The following VPS13A variants were observed in gnomAD, a reference collection of about 807,000 sequenced individuals.
The protein encoded by VPS13A is vacuolar protein sorting 13 homolog A, also known as intermembrane lipid transfer protein VPS13A.
VPS13A carries 264 observed loss-of-function variants against 390.9 expected under a neutral mutation model. The ratio of observed to expected loss-of-function variants is 0.68; its 90% CI spans 0.61 to 0.75. VPS13A has a LOEUF of 0.75. Among genes scored for constraint, VPS13A ranks in the 30% least tolerant of loss-of-function variants. The pLI, the probability that VPS13A is intolerant of heterozygous loss-of-function variation, is 0.00. For synonymous variants in VPS13A, 1,231 were observed against 1,227.1 expected (o/e 1.00, Z -0.07); for missense variants, 3,409 against 3,733.9 (o/e 0.91, Z 2.27).
intron 68 of VPS13A, among the ~76,000 whole-genome samples, chr9:77,392,958 C>G (rs1833960254): frequency 6.6e-6 from 1 of 151,924 alleles, no homozygotes; most frequent in African/African-American, 2.4e-5. Context: ...ATGAAGTTTC[C>G]CACATTGATT....
chr9:77,220,371 A>G lies in VPS13A; in HGVS notation c.977A>G (p.His326Arg). 1.2e-6 allele frequency: 2 copies of G among 1,606,718 alleles called. No homozygotes were observed. The highest frequency in any genetic ancestry group is 1.7e-6 in the Non-Finnish European group (2 of 1,175,896). Reference protein sequence around the residue: ...KFKPDVPLHHHAREWWAYAIH... With the variant: ...KFKPDVPLHHRAREWWAYAIH... ...AAACCTGATGTGCCTCTTCACCACC[A>G]TGCCAGAGAATGGTAAATGCCTTGA... is the stretch of plus-strand genomic sequence containing the variant. The change falls in exon 12 of 72, where the codon CAT becomes CGT. Residue 326 changes from histidine (H) to arginine (R), a missense_variant. His to Arg is a conservative substitution (Grantham distance 29, BLOSUM62 0). Coordinates refer to ENST00000360280, the MANE Select transcript of VPS13A (RefSeq NM_033305.3).
intron 51 of VPS13A, 60 bp from the exon 52 acceptor site, chr9:77,344,949 A>G: frequency 1.3e-6 from 2 of 1,552,258 alleles, no homozygotes; most frequent in Non-Finnish European, 1.8e-6. Flanking sequence ...CTTAAATGTT[A>G]TTAGTTAATA....
Position 77,400,223 on chromosome 9 carries a change from A to ATTTTT in VPS13A, c.9190-2995_9190-2991dup, listed in dbSNP as rs34605855. ...ATATTTTCTCATGTTTATCAGTCAG[A>ATTTTT]TTTTTTTTTTTTTTTTTTTTTTGCT... On this transcript the variant is annotated intron_variant, in intron 68 of 71. Transcript: ENST00000360280. Among the ~76,000 whole-genome samples the ATTTTT allele has an allele frequency of 5.8e-3, 510 of 88,034 alleles. 20 individuals carry two copies. The highest frequency in any genetic ancestry group is 0.016 in the East Asian group (39 of 2,368). 57.8% of individuals were successfully genotyped at this position (88,034 alleles called of 152,430 possible).
chr9:77,302,773 G>T (rs985526375), intron 33 of VPS13A, 142 bp from the exon 34 acceptor site: 2 of 864,172 alleles, frequency 2.3e-6, no homozygotes, highest in Non-Finnish European at 3.5e-6. Context: ...TAAAAAAAAA[G>T]TCTGATAGAT....
rs1447711312 is a variant in VPS13A, at chr9:77,315,470, G to C, written c.4630G>C (p.Val1544Leu). 6.2e-7 allele frequency: 1 copy of C among 1,613,488 alleles called. No individual in the cohort carries two copies. Among genetic ancestry groups the C allele is most frequent in the East Asian group, 2.2e-5 (1 of 44,848 alleles). Residue 1544 changes from valine (V) to leucine (L), a missense_variant and splice_region_variant, in exon 38 of 72, where the codon GTA (valine) becomes CTA (leucine). Transcript: ENST00000360280. ...SVQTWTAKEE[V>L]PTQESVKWEI... ...GCAAACATGGACTGCTAAGGAAGAA[G>C]GTTAGTTATTGGCTAAAATATTTAA...
intron 22 of VPS13A, among the ~76,000 whole-genome samples, chr9:77,255,324 A>C (rs907102871): frequency 6.6e-6 from 1 of 152,188 alleles, no homozygotes; most frequent in Non-Finnish European, 1.5e-5. Flanking sequence ...ATTGCTCTCT[A>C]TATATTAAAT....
intron 10 of VPS13A, among the ~76,000 whole-genome samples, chr9:77,218,667 G>A (rs1193427047): frequency 6.7e-6 from 1 of 148,850 alleles, no homozygotes; most frequent in African/African-American, 2.5e-5. Context: ...TTTTGGAAAG[G>A]GACATGTAGT....
intron 62 of VPS13A, 101 bp downstream of exon 62, chr9:77,368,237 GCCATT>G: frequency 7.5e-6 from 7 of 933,558 alleles, no homozygotes; most frequent in Non-Finnish European, 9.9e-6. Context: ...GAACTAAATA[GCCATT>G]TTCAAATTAT....
chr9:77,305,461 C>A (rs1828683184), intron 34 of VPS13A: 1 of 153,238 alleles, frequency 6.5e-6, no homozygotes, highest in African/African-American at 2.4e-5. Flanking sequence ...TTATGTTCCA[C>A]CCAACATGCT....
At chr9:77,355,589 T>G (rs72746029) in intron 54 of VPS13A, among the ~76,000 whole-genome samples, 8,741 of 152,266 alleles carry the variant, frequency 0.057, 369 homozygotes, top group South Asian at 0.12. Context: ...CAACTGTGCA[T>G]GCAAAATCTC....
chr9:77,254,495 C>T lies in VPS13A; in HGVS notation c.2288+2143C>T, dbSNP rs113135476. On this transcript the variant is annotated intron_variant, in intron 22 of 71. Coordinates refer to ENST00000360280, the MANE Select transcript of VPS13A (RefSeq NM_033305.3). ...TGTGAGTTATTTAACTTTGTTCTTT[C>T]GATTGTCTTGGCTATTCGGGATCCT... Among the ~76,000 whole-genome samples, 276 of 152,150 alleles carry T rather than the reference C, an allele frequency of 1.8e-3. 1 individual carries two copies. Among genetic ancestry groups the T allele is most frequent in the African/African-American group, 6.1e-3 (255 of 41,520 alleles).
intron 26 of VPS13A, 112 bp from the exon 27 acceptor site, chr9:77,280,047 A>G: frequency 1.3e-6 from 1 of 760,622 alleles, no homozygotes; most frequent in Non-Finnish European, 2.1e-6. Context: ...TCCAAGGTCC[A>G]GAACTCATAT....
Position 77,177,587 on chromosome 9 carries a change from C to T in VPS13A, c.-118C>T. On this transcript the variant is annotated 5_prime_UTR_variant, in exon 1 of 72. Transcript: ENST00000360280. ...GCTGCGCGTTGGGCCAGCGGGGGCG[C>T]CGCAGCTGAAGCCGCCCCGGAGCCG... 2 of 927,000 alleles carry T rather than the reference C, an allele frequency of 2.2e-6. No homozygotes were observed. The highest frequency in any genetic ancestry group is 3.4e-6 in the Non-Finnish European group (2 of 592,952). 57.4% of individuals were successfully genotyped at this position (927,000 alleles called of 1,614,324 possible). A position where few individuals can be genotyped will look rare whatever the true frequency, so the allele number is the denominator to read the frequency against.
At position 77,248,864 on chromosome 9, in the gene VPS13A, T is replaced by A. The variant is rs558065134; in HGVS notation, c.2038-1233T>A. Among the ~76,000 whole-genome samples the A allele has an allele frequency of 2.0e-5, 3 of 152,310 alleles. No individual in the cohort carries two copies. In the South Asian group the frequency reaches 6.2e-4, roughly 32 times the overall value. ...CTTCTGCCTCAGCCTCCCAAGTAGC[T>A]GGGATTTCAGGCGTGTGCCATCAAG... On this transcript the variant is annotated intron_variant, in intron 20 of 71. Transcript: ENST00000360280.
At chr9:77,325,872 GAATT>G (rs1157971366) in intron 45 of VPS13A, among the ~76,000 whole-genome samples, 1 of 152,010 alleles carries the variant, frequency 6.6e-6, no homozygotes, top group Non-Finnish European at 1.5e-5. Flanking sequence ...TTTCTTAAAT[GAATT>G]ATTTATGTTT....
chr9:77,319,397 A>G (rs1052793374), intron 41 of VPS13A, among the ~76,000 whole-genome samples, 175 bp from the exon 42 acceptor site: 3 of 152,120 alleles, frequency 2.0e-5, no homozygotes, highest in Non-Finnish European at 2.9e-5. Flanking sequence ...TAAATTGTGA[A>G]GAGCGAATAT....
intron 50 of VPS13A, among the ~76,000 whole-genome samples, chr9:77,341,488 T>C (rs1282958796): frequency 1.3e-5 from 2 of 152,156 alleles, no homozygotes; most frequent in East Asian, 3.9e-4. Context: ...TGTGGATTAA[T>C]GTATTTCATG....
intron 1 of VPS13A, among the ~76,000 whole-genome samples, chr9:77,187,089 C>G (rs768395309): frequency 2.0e-5 from 3 of 152,058 alleles, no homozygotes; most frequent in Non-Finnish European, 2.9e-5. Context: ...AAATAGTATC[C>G]CATTGTATGT....
At chr9:77,346,261 T>G (rs778989407) in intron 52 of VPS13A, among the ~76,000 whole-genome samples, 4 of 152,160 alleles carry the variant, frequency 2.6e-5, no homozygotes, top group African/African-American at 2.4e-5. Flanking sequence ...ATTTCCCTCA[T>G]AATTAGTGAT....
Sources: allele counts gnomAD v4.1 joint callset (sites outside exome capture counted in the v4.1 genomes callset), GRCh38; gene constraint gnomAD v4.1.1; transcripts MANE v1.5; gene names NCBI Gene and HGNC (gene_info 2026-07-23, HGNC 2026-07-21).